AUTS2: variants seen among roughly 807,000 people sequenced by gnomAD.
AUTS2 encodes activator of transcription and developmental regulator AUTS2.
AUTS2 carries 17 observed loss-of-function variants against 112.4 expected under a neutral mutation model. The ratio of observed to expected loss-of-function variants is 0.15; its 90% CI spans 0.10 to 0.23. The LOEUF is 0.23. AUTS2 is among the 10% of genes least tolerant of loss of function. AUTS2 has a pLI of 1.00. For missense variants in AUTS2, 1,510 were observed against 1,701.6 expected (o/e 0.89, Z 1.98); for synonymous variants, 751 against 702.7 (o/e 1.07, Z -1.09).
At chr7:70,012,277 T>C (rs1255461463) in intron 2 of AUTS2, among the ~76,000 whole-genome samples, 1 of 152,158 alleles carries the variant, frequency 6.6e-6, no homozygotes, top group Non-Finnish European at 1.5e-5. Flanking sequence ...TGTTCTCTCT[T>C]GCCCCTGGGC....
At chr7:70,078,700 A>T (rs1803156791) in intron 2 of AUTS2, among the ~76,000 whole-genome samples, 2 of 152,178 alleles carry the variant, frequency 1.3e-5, no homozygotes, top group African/African-American at 4.8e-5. Flanking sequence ...CCCTGAAGGG[A>T]GAAAGGAAGG....
At chr7:70,769,513 G>A (rs1458832719) in intron 10 of AUTS2, among the ~76,000 whole-genome samples, 3 of 152,120 alleles carry the variant, frequency 2.0e-5, no homozygotes, top group East Asian at 1.9e-4. Flanking sequence ...GTGAAACCCC[G>A]TCTCTACTAA....
At chr7:69,996,946 T>TAAAAAAAAAAAAAAAAAAAAA (rs1161825217) in intron 2 of AUTS2, among the ~76,000 whole-genome samples, 4 of 99,032 alleles carry the variant, frequency 4.0e-5, no homozygotes, top group Non-Finnish European at 7.9e-5. Flanking sequence ...CTGGAACACT[T>TAAAAAAAAAAAAAAAAAAAAA]AAAAAAAAAA....
rs369462886 is a variant in AUTS2 at position 70,363,465 on chromosome 7, GAAAA to G, written c.661-72271_661-72268del. 7.9e-4 allele frequency among the ~76,000 whole-genome samples: 87 copies of G among 110,770 alleles called. 2 individuals are homozygous for G. The highest frequency in any genetic ancestry group is 0.01 in the Middle Eastern group (2 of 194). 72.7% of individuals were successfully genotyped at this position (110,770 alleles called of 152,430 possible). A position where few individuals can be genotyped will look rare whatever the true frequency, so the allele number is the denominator to read the frequency against. ...AACTTAGAGTATAATATAAAAAAAA[GAAAA>G]AAAAAAAAAAAAAAATCTGAAGCTA... On this transcript the variant is annotated intron_variant, in intron 4 of 18. Transcript: ENST00000342771.
Position 69,980,026 on chromosome 7 carries a change from T to A in AUTS2, c.522+80528T>A, listed in dbSNP as rs534434971. On this transcript the variant is annotated intron_variant, in intron 2 of 18. Coordinates refer to ENST00000342771, the MANE Select transcript of AUTS2 (RefSeq NM_015570.4). ...TGTTGTGCACACATTAAGCTAAGCT[T>A]CTATCCCTTCTCTTCTCCACATGGT... is the stretch of plus-strand genomic sequence containing the variant. 2.6e-5 allele frequency among the ~76,000 whole-genome samples: 4 copies of A among 152,286 alleles called. No homozygotes were observed. The South Asian group carries it at 8.3e-4, about 32-fold the overall frequency.
intron 1 of AUTS2, among the ~76,000 whole-genome samples, chr7:69,786,238 A>T (rs1472003498): frequency 6.6e-6 from 1 of 152,078 alleles, no homozygotes; most frequent in South Asian, 2.1e-4. Flanking sequence ...CTCTGTGTCT[A>T]GCTAAAGGAT....
intron 6 of AUTS2, among the ~76,000 whole-genome samples, chr7:70,753,768 G>A (rs1789008929): frequency 6.6e-6 from 1 of 152,190 alleles, no homozygotes; most frequent in African/African-American, 2.4e-5. Context: ...ACTCAGTAGG[G>A]CGGTTGGGGT....
chr7:69,989,741 G>A (rs530223540), intron 2 of AUTS2, among the ~76,000 whole-genome samples: 153 of 152,254 alleles, frequency 1.0e-3, no homozygotes, highest in Admixed American at 4.1e-3. Context: ...CCCCCGCCCC[G>A]GGCCATGGAA....
intron 5 of AUTS2, among the ~76,000 whole-genome samples, chr7:70,625,608 T>G (rs1002469941): frequency 6.6e-6 from 1 of 152,212 alleles, no homozygotes; most frequent in African/African-American, 2.4e-5. Flanking sequence ...GGTAACCGCT[T>G]GTACCAAACA....
chr7:69,898,271 G>C (rs965407766), intron 1 of AUTS2, among the ~76,000 whole-genome samples: 1 of 152,160 alleles, frequency 6.6e-6, no homozygotes, highest in Non-Finnish European at 1.5e-5. Context: ...GGCTTCATGA[G>C]GGGGATTTTC....
intron 1 of AUTS2, among the ~76,000 whole-genome samples, chr7:69,603,851 G>C (rs1353458462): frequency 1.3e-5 from 2 of 152,200 alleles, no homozygotes; most frequent in Non-Finnish European, 2.9e-5. Flanking sequence ...ACTACCATCA[G>C]TGTGTCCTGA....
At chr7:70,670,521 G>C (rs1362415650) in intron 5 of AUTS2, among the ~76,000 whole-genome samples, 1 of 152,158 alleles carries the variant, frequency 6.6e-6, no homozygotes, top group African/African-American at 2.4e-5. Flanking sequence ...CTTGGTTCCG[G>C]GTGACACAGC....
At chr7:70,163,069 G>GT (rs1318567862) in intron 4 of AUTS2, among the ~76,000 whole-genome samples, 2 of 151,938 alleles carry the variant, frequency 1.3e-5, no homozygotes, top group Non-Finnish European at 2.9e-5. Flanking sequence ...TGACAGGGAG[G>GT]GCTGGCTAGG....
intron 4 of AUTS2, among the ~76,000 whole-genome samples, chr7:70,249,261 T>C (rs1813087256): frequency 6.6e-6 from 1 of 152,198 alleles, no homozygotes; most frequent in African/African-American, 2.4e-5. Context: ...TGCTTAGGAT[T>C]TGTTGTCTTC....
chr7:69,973,427 T>C (rs1207332166), intron 2 of AUTS2, among the ~76,000 whole-genome samples: 1 of 152,186 alleles, frequency 6.6e-6, no homozygotes, highest in African/African-American at 2.4e-5. Flanking sequence ...AAATTTCCTT[T>C]TCTTGGCTAA....
At position 70,766,391 on chromosome 7, in the gene AUTS2, C is replaced by A; in HGVS notation, c.1689+57C>A. On this transcript the variant is annotated intron_variant, in intron 9 of 18. Coordinates refer to ENST00000342771, the MANE Select transcript of AUTS2 (RefSeq NM_015570.4). This position sits in a 1 kb window ranked among gnomAD's most constrained non-coding sequence, Gnocchi z 4.8. ...GTAGAGCACGACTCTTTTCTTTATG[C>A]AGCACGTGGGACCGGGCTGGGCAGC... 6.3e-7 allele frequency: 1 copy of A among 1,591,478 alleles called. No homozygotes were observed. Among genetic ancestry groups the A allele is most frequent in the Non-Finnish European group, 8.6e-7 (1 of 1,165,684 alleles).
intron 4 of AUTS2, chr7:70,291,965 T>A (rs1417063784): frequency 6.6e-6 from 1 of 152,200 alleles, no homozygotes; most frequent in African/African-American, 2.4e-5. Context: ...TAGAGAGATG[T>A]CATTATATGT....
At chr7:70,700,239 G>GT (rs1246019877) in intron 6 of AUTS2, among the ~76,000 whole-genome samples, 1 of 151,832 alleles carries the variant, frequency 6.6e-6, no homozygotes, top group African/African-American at 2.4e-5. Context: ...CTATTTGGTT[G>GT]TGAATAGCCC....
intron 1 of AUTS2, among the ~76,000 whole-genome samples, chr7:69,614,345 T>TTTCTTTCTTTCTTTCG (rs1793219052): frequency 1.3e-5 from 1 of 75,758 alleles, no homozygotes; most frequent in African/African-American, 4.5e-5. Context: ...TCTTTCTTTC[T>TTTCTTTCTTTCTTTCG]TTCTTTCTTT....
Sources: gnomAD v4.1 joint callset for allele counts (sites outside exome capture counted in the v4.1 genomes callset) on GRCh38, gnomAD v4.1.1 for gene constraint, Gnocchi (gnomAD v3.1) non-coding constraint, MANE v1.5 for transcripts, NCBI Gene and HGNC (gene_info 2026-07-23, HGNC 2026-07-21) for gene names.